NLGN4Y: variants seen among roughly 807,000 people sequenced by gnomAD.
NLGN4Y encodes the protein neuroligin 4 Y-linked, also known as neuroligin-4, Y-linked.
A neutral mutation model predicts 8.4 loss-of-function variants in NLGN4Y; 4 were observed. The ratio of observed to expected loss-of-function variants is 0.48; its 90% CI spans 0.23 to 1.09. NLGN4Y has a LOEUF of 1.09. Ranked by LOEUF, NLGN4Y falls within the 50% of genes least tolerant of loss-of-function variation. NLGN4Y has a pLI of 0.19. For synonymous variants in NLGN4Y, 35 were observed against 75.6 expected (o/e 0.46, Z 2.78); for missense variants, 90 against 192.3 (o/e 0.47, Z 3.15).
chrY:14,566,613 T>C (rs2080252850), intron 1 of NLGN4Y, among the ~76,000 whole-genome samples: 1 of 33,280 alleles, frequency 3.0e-5, no homozygotes, highest in Non-Finnish European at 7.4e-5. Flanking sequence ...GACAGATCAA[T>C]GAGACAGAAA....
chrY:14,826,894 CAG>C (rs2043148962), intron 5 of NLGN4Y, among the ~76,000 whole-genome samples: 3 of 33,116 alleles, frequency 9.1e-5, no homozygotes, highest in Admixed American at 5.5e-4. Context: ...CCCTGGGTGG[CAG>C]AGAGAGACCC....
chrY:14,774,905 G>A (rs2081119256), intron 4 of NLGN4Y, among the ~76,000 whole-genome samples: 1 of 33,058 alleles, frequency 3.0e-5, no homozygotes, highest in African/African-American at 1.2e-4. Context: ...TAACACAGGA[G>A]CAGAAACCAA....
intron 1 of NLGN4Y, among the ~76,000 whole-genome samples, chrY:14,551,051 A>T: frequency 3.0e-5 from 1 of 32,888 alleles, no homozygotes; most frequent in Non-Finnish European, 7.4e-5. Flanking sequence ...GTCCTGTCTC[A>T]CGTGCAGAAA....
intron 1 of NLGN4Y, among the ~76,000 whole-genome samples, chrY:14,536,493 T>C (rs2080134795): frequency 3.1e-5 from 1 of 32,310 alleles, no homozygotes. Context: ...GTGATCCGCC[T>C]GCCTCGGCCT....
chrY:14,540,542 A>G, intron 1 of NLGN4Y, among the ~76,000 whole-genome samples: 1 of 33,456 alleles, frequency 3.0e-5, no homozygotes, highest in East Asian at 8.1e-4. Flanking sequence ...CACACCACCC[A>G]GCGGGGGCCA....
chrY:14,805,171 C>T, intron 4 of NLGN4Y, among the ~76,000 whole-genome samples: 1 of 33,071 alleles, frequency 3.0e-5, no homozygotes, highest in Non-Finnish European at 7.4e-5. Flanking sequence ...ATTGGGGATC[C>T]CTGCTGTAGA....
rs762821925 is a variant in NLGN4Y at position 14,736,616 on chromosome Y, C to T, written c.685+13347C>T. Among the ~76,000 whole-genome samples, 21 of 32,257 alleles carry T rather than the reference C, an allele frequency of 6.5e-4. No individual in the cohort carries two copies. In the East Asian group the frequency reaches 0.011, roughly 17 times the overall value. The allele number at this position is 32,257 out of a possible 37,273, so 86.5% of individuals were successfully genotyped here. ...TAGTTTCCCTAATCTCCTTATGTTGCGGGAGGGACCCAGTGGGAGGTAATT... is the reference window on the plus strand; with the variant it reads ...TAGTTTCCCTAATCTCCTTATGTTGTGGGAGGGACCCAGTGGGAGGTAATT... On this transcript the variant is annotated intron_variant, in intron 4 of 6. Coordinates refer to ENST00000684976, the MANE Select transcript of NLGN4Y (RefSeq NM_001365588.1).
chrY:14,561,989 A>G, intron 1 of NLGN4Y, among the ~76,000 whole-genome samples: 1 of 33,386 alleles, frequency 3.0e-5, no homozygotes, highest in Non-Finnish European at 7.4e-5. Context: ...AGATGGATAG[A>G]TTTCAAAAAT....
At chrY:14,728,891 C>T (rs2150558142) in intron 4 of NLGN4Y, among the ~76,000 whole-genome samples, 1 of 33,201 alleles carries the variant, frequency 3.0e-5, no homozygotes, top group East Asian at 7.9e-4. Flanking sequence ...CAAAAAATAG[C>T]TAAAATGATA....
intron 1 of NLGN4Y, among the ~76,000 whole-genome samples, chrY:14,547,172 C>G (rs768778877): frequency 5.9e-5 from 2 of 33,791 alleles, no homozygotes; most frequent in Admixed American, 5.5e-4. Flanking sequence ...AAATTGTAGA[C>G]AGGGCTTGCA....
chrY:14,690,297 T>C, intron 2 of NLGN4Y, among the ~76,000 whole-genome samples: 8 of 33,414 alleles, frequency 2.4e-4, no homozygotes, highest in Non-Finnish European at 5.2e-4. Context: ...TACAGTTTTG[T>C]ATTATCTGTA....
chrY:14,534,248 G>T, intron 1 of NLGN4Y, among the ~76,000 whole-genome samples: 3 of 33,544 alleles, frequency 8.9e-5, no homozygotes, highest in Non-Finnish European at 1.5e-4. Context: ...GGTCATTAGA[G>T]AAATGCAAAT....
chrY:14,632,052 C>G, intron 2 of NLGN4Y, among the ~76,000 whole-genome samples: 1 of 33,971 alleles, frequency 2.9e-5, no homozygotes, highest in Non-Finnish European at 7.3e-5. Context: ...CACATACAAG[C>G]ACCCTGTAAT....
chrY:14,830,164 T>C lies in NLGN4Y; in HGVS notation c.1306T>C (p.Leu436=). The C allele has an allele frequency of 2.5e-6, 1 of 393,554 alleles. No homozygotes were observed. Among genetic ancestry groups the C allele is most frequent in the South Asian group, 3.0e-5 (1 of 33,398 alleles). The part of the protein sequence containing the change: ...LYGYPEGKDT[L]RETIKFMYTD... ...CGGCTACCCTGAAGGGAAAGACACT[T>C]TGCGGGAGACTATCAAGTTCATGTA... Residue 436 remains leucine (L), a synonymous_variant, in exon 6 of 7, where the codon TTG becomes CTG. Transcript: ENST00000684976.
At chrY:14,835,580 A>C (rs2043195153) in intron 6 of NLGN4Y, among the ~76,000 whole-genome samples, 1 of 28,435 alleles carries the variant, frequency 3.5e-5, no homozygotes, top group African/African-American at 1.4e-4. Context: ...AAGTGAGAGA[A>C]AAGAAAGAGA....
At chrY:14,576,478 T>A (rs757988128) in intron 1 of NLGN4Y, among the ~76,000 whole-genome samples, 2 of 33,251 alleles carry the variant, frequency 6.0e-5, no homozygotes, top group Admixed American at 5.4e-4. Flanking sequence ...ATTTTCCAGG[T>A]GCGGTCTGTC....
intron 1 of NLGN4Y, among the ~76,000 whole-genome samples, chrY:14,604,834 C>T (rs2080441002): frequency 3.0e-5 from 1 of 33,346 alleles, no homozygotes; most frequent in African/African-American, 1.2e-4. Flanking sequence ...CTCCCAATTA[C>T]CTGGCATTAC....
chrY:14,650,749 G>T (rs2080626874), intron 2 of NLGN4Y, among the ~76,000 whole-genome samples: 1 of 32,792 alleles, frequency 3.0e-5, no homozygotes, highest in Non-Finnish European at 7.5e-5. Context: ...TGCAACTTGA[G>T]AAATATAATA....
intron 2 of NLGN4Y, among the ~76,000 whole-genome samples, chrY:14,666,269 C>G (rs1029318552): frequency 6.2e-5 from 2 of 32,278 alleles, no homozygotes; most frequent in Non-Finnish European, 1.5e-4. Flanking sequence ...AAGGCCACCT[C>G]TACAACTTAT....
Sources: gnomAD v4.1 joint callset for allele counts (sites outside exome capture counted in the v4.1 genomes callset) on GRCh38, gnomAD v4.1.1 for gene constraint, MANE v1.5 for transcripts, NCBI Gene and HGNC (gene_info 2026-07-23, HGNC 2026-07-21) for gene names.